FUT9: variants seen among roughly 807,000 people sequenced by gnomAD.
The protein encoded by FUT9 is fucosyltransferase 9, also known as 4-galactosyl-N-acetylglucosaminide 3-alpha-L-fucosyltransferase 9.
In FUT9, 15 loss-of-function variants were observed where a neutral mutation model predicts 29.7. The observed-to-expected ratio is 0.51, with a 90% CI of 0.34 to 0.78. The LOEUF (loss-of-function observed/expected upper bound fraction) is 0.78. FUT9 is among the 30% of genes least tolerant of loss of function. FUT9 has a pLI of 0.01. For missense variants in FUT9, 319 were observed against 425.4 expected (o/e 0.75, Z 2.20); for synonymous variants, 169 against 153.7 (o/e 1.10, Z -0.74).
At chr6:96,177,177 A>C (rs1773219826) in intron 2 of FUT9, among the ~76,000 whole-genome samples, 1 of 152,140 alleles carries the variant, frequency 6.6e-6, no homozygotes, top group Non-Finnish European at 1.5e-5. Context: ...AAAAGCATTA[A>C]AATTTTTTTC....
At chr6:96,139,844 C>T (rs1290248371) in intron 2 of FUT9, among the ~76,000 whole-genome samples, 1 of 152,086 alleles carries the variant, frequency 6.6e-6, no homozygotes, top group Admixed American at 6.6e-5. Context: ...AGTGGGGCCT[C>T]CATGCCTGTG....
intron 1 of FUT9, among the ~76,000 whole-genome samples, chr6:96,026,245 G>T (rs377514252): frequency 2.0e-5 from 3 of 151,830 alleles, no homozygotes; most frequent in East Asian, 3.9e-4. Flanking sequence ...CTTATCTGTG[G>T]TATGATATAT....
chr6:96,184,940 C>T (rs1773377722), intron 2 of FUT9, among the ~76,000 whole-genome samples: 1 of 151,956 alleles, frequency 6.6e-6, no homozygotes, highest in African/African-American at 2.4e-5. Flanking sequence ...ATCAAGAACA[C>T]ATTTCTCAAA....
intron 1 of FUT9, among the ~76,000 whole-genome samples, chr6:96,023,063 T>C (rs886077089): frequency 1.3e-5 from 2 of 151,942 alleles, no homozygotes; most frequent in Non-Finnish European, 2.9e-5. Context: ...CACAGTGTGT[T>C]GGTTTCTGCT....
chr6:96,061,776 G>T (rs903158081), intron 1 of FUT9, among the ~76,000 whole-genome samples: 8 of 151,926 alleles, frequency 5.3e-5, no homozygotes, highest in South Asian at 2.1e-4. Flanking sequence ...TTTCCTCTCT[G>T]GTGCTAATTA....
chr6:96,145,550 A>C (rs949643568), intron 2 of FUT9, among the ~76,000 whole-genome samples: 2 of 152,204 alleles, frequency 1.3e-5, no homozygotes, highest in Non-Finnish European at 2.9e-5. Context: ...TTGGATAGTA[A>C]TGAATGCTAA....
At chr6:96,031,529 A>G (rs1222091933) in intron 1 of FUT9, among the ~76,000 whole-genome samples, 1 of 151,476 alleles carries the variant, frequency 6.6e-6, no homozygotes, top group Non-Finnish European at 1.5e-5. Context: ...ATCACGGCCC[A>G]GTGTAGCAAA....
At chr6:96,083,055 C>T (rs1168852517) in intron 1 of FUT9, among the ~76,000 whole-genome samples, 1 of 152,032 alleles carries the variant, frequency 6.6e-6, no homozygotes, top group African/African-American at 2.4e-5. Flanking sequence ...CCCTATAGTC[C>T]ATTCTCCTTA....
At chr6:96,178,072 C>T (rs1421145883) in intron 2 of FUT9, among the ~76,000 whole-genome samples, 1 of 152,152 alleles carries the variant, frequency 6.6e-6, no homozygotes, top group Non-Finnish European at 1.5e-5. Flanking sequence ...CTGCCATTCT[C>T]CTCAGCTCCC....
intron 2 of FUT9, among the ~76,000 whole-genome samples, chr6:96,119,017 A>AT (rs896476712): frequency 6.6e-6 from 1 of 152,198 alleles, no homozygotes; most frequent in Non-Finnish European, 1.5e-5. Context: ...CTTAAAAAAT[A>AT]TTTTTTAAGT....
intron 2 of FUT9, among the ~76,000 whole-genome samples, chr6:96,194,071 G>A (rs944149001): frequency 6.6e-6 from 1 of 152,172 alleles, no homozygotes. Context: ...GGGGAGAGGG[G>A]AGGGATAGCA....
rs1772622982 is a variant in FUT9 at position 96,148,884 on chromosome 6, G to A, written c.-9+34757G>A. 2.0e-5 allele frequency among the ~76,000 whole-genome samples: 3 copies of A among 152,166 alleles called. No homozygotes were observed. The South Asian group carries it at 6.2e-4, about 32-fold the overall frequency. ...TTTTAACTACTTGAGGCCAGGCACA[G>A]TGGTTCACATTTGCAATCCCAGCAC... is the stretch of plus-strand genomic sequence containing the variant. On this transcript the variant is annotated intron_variant, in intron 2 of 2. Transcript: ENST00000302103.
chr6:96,051,462 A>G (rs1329773975), intron 1 of FUT9, among the ~76,000 whole-genome samples: 1 of 151,960 alleles, frequency 6.6e-6, no homozygotes, highest in Non-Finnish European at 1.5e-5. Flanking sequence ...ACCAGCTTGG[A>G]CAACATAGTG....
intron 1 of FUT9, among the ~76,000 whole-genome samples, chr6:96,094,265 T>G (rs189576648): frequency 5.1e-4 from 77 of 152,274 alleles, no homozygotes; most frequent in African/African-American, 1.8e-3. Flanking sequence ...TCTAGTGTAT[T>G]CATGCTGTGT....
intron 1 of FUT9, among the ~76,000 whole-genome samples, chr6:96,107,011 T>A (rs1002421210): frequency 7.9e-5 from 12 of 152,214 alleles, no homozygotes; most frequent in African/African-American, 2.9e-4. Context: ...ACATAAATTG[T>A]ATAATATATG....
intron 2 of FUT9, among the ~76,000 whole-genome samples, chr6:96,118,738 A>G (rs1771962707): frequency 6.6e-6 from 1 of 152,192 alleles, no homozygotes; most frequent in Non-Finnish European, 1.5e-5. Flanking sequence ...TGACAGGTCC[A>G]TGCACGTTAT....
chr6:96,105,032 A>C (rs1478634103), intron 1 of FUT9, among the ~76,000 whole-genome samples: 1 of 152,220 alleles, frequency 6.6e-6, no homozygotes, highest in African/African-American at 2.4e-5. Flanking sequence ...AGTCAGATTT[A>C]TTCATAGTGG....
rs62418397 is a variant in FUT9 at position 96,019,105 on chromosome 6, C to T, written c.-98+2893C>T. ...TTTTATTCCTTTTATTTAGTAAAATCTGAGCATCAGAGGCAAACCATTTTG... is the reference window on the plus strand; with the variant it reads ...TTTTATTCCTTTTATTTAGTAAAATTTGAGCATCAGAGGCAAACCATTTTG... On this transcript the variant is annotated intron_variant, in intron 1 of 2. Coordinates refer to ENST00000302103, the MANE Select transcript of FUT9 (RefSeq NM_006581.4). 1.4e-3 allele frequency among the ~76,000 whole-genome samples: 212 copies of T among 151,830 alleles called. 2 individuals are homozygous for T. The highest frequency in any genetic ancestry group is 6.8e-3 in the Middle Eastern group (2 of 294).
At chr6:96,136,526 T>C (rs1282351510) in intron 2 of FUT9, among the ~76,000 whole-genome samples, 1 of 152,002 alleles carries the variant, frequency 6.6e-6, no homozygotes, top group Non-Finnish European at 1.5e-5. Context: ...GCTTATTATA[T>C]TTTATCTTTA....
Sources: allele counts gnomAD v4.1 joint callset (sites outside exome capture counted in the v4.1 genomes callset), GRCh38; gene constraint gnomAD v4.1.1; transcripts MANE v1.5; gene names NCBI Gene and HGNC (gene_info 2026-07-23, HGNC 2026-07-21).